Variants in SLC22A25 observed in about 807,000 individuals in gnomAD.
SLC22A25 encodes MGI:2442751, MGI:2385316, MGI:3042283, MGI:3645714, MGI:3605624, MGI:2442750.
A neutral mutation model predicts 45.9 loss-of-function variants in SLC22A25; 44 were observed. The observed-to-expected ratio is 0.96, with a 90% CI of 0.75 to 1.23. SLC22A25 has a LOEUF of 1.23. Ranked by LOEUF, SLC22A25 falls within the 50% of genes most tolerant of loss-of-function variation. The probability of loss-of-function intolerance (pLI) is 0.00; values close to 1 mark genes in which losing one functional copy is unlikely to be tolerated. For missense variants in SLC22A25, 800 were observed against 666.4 expected (o/e 1.20, Z -2.21); for synonymous variants, 283 against 238.6 (o/e 1.19, Z -1.72).
chr11:63,205,530 A>T (rs1228136161), intron 7 of SLC22A25, among the ~76,000 whole-genome samples: 1 of 152,222 alleles, frequency 6.6e-6, no homozygotes, highest in African/African-American at 2.4e-5. Context: ...AAACAACCCT[A>T]TGCAAATGAA....
At chr11:63,177,201 G>T (rs1446442345) in intron 9 of SLC22A25, among the ~76,000 whole-genome samples, 1 of 151,686 alleles carries the variant, frequency 6.6e-6, no homozygotes, top group Non-Finnish European at 1.5e-5. Flanking sequence ...AAAATGTCTA[G>T]ATGTGAATTT....
Position 63,217,372 on chromosome 11 carries a change from G to C in SLC22A25, c.772C>G (p.Gln258Glu), listed in dbSNP as rs2089739693. 6.2e-7 allele frequency: 1 copy of C among 1,613,954 alleles called. No homozygotes were observed. The highest frequency in any genetic ancestry group is 1.1e-5 in the South Asian group (1 of 91,070). ...GACATCACCAACTGGAGGATGCACT[G>C]GTCTCGAATGACAAAAGCCAGGCTT... ...LGSLAFVIRD[Q>E]CILQLVMSAP... The change falls in exon 7 of 12, where the codon CAG (glutamine) becomes GAG (glutamate). Residue 258 changes from glutamine (Q) to glutamate (E), a missense_variant. By Grantham distance (29) the Gln-to-Glu change is conservative (BLOSUM62 2). Transcript: ENST00000306494.
chr11:63,220,132 T>C (rs1158992157), intron 5 of SLC22A25: 2 of 659,196 alleles, frequency 3.0e-6, no homozygotes, highest in African/African-American at 3.8e-5. Flanking sequence ...AAGGTAGAGG[T>C]TGTAATACCT....
At chr11:63,166,343 A>G in intron 9 of SLC22A25, 85 bp from the exon 10 acceptor site, 4 of 1,522,510 alleles carry the variant, frequency 2.6e-6, no homozygotes, top group Non-Finnish European at 2.6e-6. Flanking sequence ...CCAGGTAGCC[A>G]AGGACTCTTT....
At chr11:63,213,971 A>T (rs1189065514) in intron 7 of SLC22A25, among the ~76,000 whole-genome samples, 1 of 152,200 alleles carries the variant, frequency 6.6e-6, no homozygotes, top group Non-Finnish European at 1.5e-5. Flanking sequence ...CCTCAGAAGG[A>T]GGAGTACATG....
At chr11:63,221,689 G>A (rs2089856563) in intron 5 of SLC22A25, among the ~76,000 whole-genome samples, 1 of 151,952 alleles carries the variant, frequency 6.6e-6, no homozygotes, top group Admixed American at 6.6e-5. Context: ...GTGTATTACT[G>A]AAGAAATCAT....
At chr11:63,166,762 G>T (rs2087698355) in intron 9 of SLC22A25, 1 of 985,896 alleles carries the variant, frequency 1.0e-6, no homozygotes, top group South Asian at 4.7e-5. Flanking sequence ...TCTGTAGATG[G>T]TCTTGTGTAG....
chr11:63,166,198 A>G lies in SLC22A25; in HGVS notation c.1131T>C (p.Asn377=), dbSNP rs2087676551. 1 of 1,613,840 alleles carries G rather than the reference A, an allele frequency of 6.2e-7. No individual in the cohort carries two copies. The highest frequency in any genetic ancestry group is 1.7e-5 in the Admixed American group (1 of 59,980). Residue 377 remains asparagine, a synonymous_variant, in exon 10 of 12, where the codon AAT becomes AAC. Coordinates refer to ENST00000306494, the MANE Select transcript of SLC22A25 (RefSeq NM_199352.6). ...CAAAGAGAGTCTGCAACAGGAAAACATTGTTTCCCAGATGCTGGAGGTGCA... is the reference window on the plus strand; with the variant it reads ...CAAAGAGAGTCTGCAACAGGAAAACGTTGTTTCCCAGATGCTGGAGGTGCA... ...LTLHLQHLGN[N]VFLLQTLFGA...
intron 7 of SLC22A25, among the ~76,000 whole-genome samples, chr11:63,192,075 G>T (rs1271182502): frequency 6.6e-6 from 1 of 152,178 alleles, no homozygotes; most frequent in East Asian, 1.9e-4. Context: ...AATGTTAAAT[G>T]CAGCTAGAAA....
chr11:63,167,282 T>C (rs111640820), intron 9 of SLC22A25: 4,995 of 141,772 alleles, frequency 0.035, 271 homozygotes, highest in African/African-American at 0.12. Context: ...TTTTTTTTTT[T>C]CCCCCAGTGG....
At chr11:63,192,533 C>T (rs969695438) in intron 7 of SLC22A25, among the ~76,000 whole-genome samples, 5 of 152,120 alleles carry the variant, frequency 3.3e-5, no homozygotes, top group African/African-American at 1.2e-4. Context: ...AGTTAAAAGA[C>T]ACAGAGTGGA....
intron 7 of SLC22A25, among the ~76,000 whole-genome samples, chr11:63,197,056 A>G (rs2089064107): frequency 6.6e-6 from 1 of 152,176 alleles, no homozygotes; most frequent in South Asian, 2.1e-4. Context: ...AAGATATGTG[A>G]AGGACCTTTT....
At chr11:63,231,605 C>A (rs2090070695) in intron 3 of SLC22A25, among the ~76,000 whole-genome samples, 1 of 152,192 alleles carries the variant, frequency 6.6e-6, no homozygotes, top group African/African-American at 2.4e-5. Context: ...GTTGCCTGTT[C>A]ACTCTGATGG....
At chr11:63,204,552 A>C (rs191747686) in intron 7 of SLC22A25, among the ~76,000 whole-genome samples, 4 of 152,370 alleles carry the variant, frequency 2.6e-5, no homozygotes, top group Admixed American at 2.0e-4. Flanking sequence ...AAAAGATCAA[A>C]AAAGTCAAAG....
Position 63,223,440 on chromosome 11 carries a change from C to A in SLC22A25, c.506+5021G>T, listed in dbSNP as rs558649547. Reference sequence around the variant, plus strand: ...TTGCTAATAGTAGCCTCTAATGACCCTTTGAATTTCTGTGGTATCAGTTGT... The same window carrying A: ...TTGCTAATAGTAGCCTCTAATGACCATTTGAATTTCTGTGGTATCAGTTGT... On this transcript the variant is annotated intron_variant, in intron 5 of 11. Transcript: ENST00000306494. Among the ~76,000 whole-genome samples the A allele has an allele frequency of 2.0e-5, 3 of 152,058 alleles. No individual in the cohort carries two copies. In the East Asian group the frequency reaches 5.8e-4, roughly 29 times the overall value.
rs964755608 is a variant in SLC22A25, at chr11:63,161,949, G to T, written c.*1875C>A. On this transcript the variant is annotated 3_prime_UTR_variant, in exon 12 of 12. Transcript: ENST00000306494. Reference sequence around the variant, plus strand: ...CAGCATTTGTTCTTGCCTGTCTTTTGGATATCAGCCATTTTAACTGAGGTA... The same window carrying T: ...CAGCATTTGTTCTTGCCTGTCTTTTTGATATCAGCCATTTTAACTGAGGTA... Among the ~76,000 whole-genome samples, 1 of 152,006 alleles carries T rather than the reference G, an allele frequency of 6.6e-6. No homozygotes were observed. Among genetic ancestry groups the T allele is most frequent in the Non-Finnish European group, 1.5e-5 (1 of 67,984 alleles).
At chr11:63,239,726 G>A (rs1221115093) in intron 1 of SLC22A25, among the ~76,000 whole-genome samples, 2 of 152,108 alleles carry the variant, frequency 1.3e-5, no homozygotes, top group African/African-American at 4.8e-5. Context: ...TTTCAGAAAG[G>A]GCAGAGTCAG....
intron 9 of SLC22A25, among the ~76,000 whole-genome samples, chr11:63,170,448 G>T (rs981082250): frequency 2.0e-5 from 3 of 150,912 alleles, no homozygotes; most frequent in Admixed American, 6.6e-5. Flanking sequence ...AAAGAGAGAA[G>T]AATAAAATAG....
rs570923402 is a variant in SLC22A25 at position 63,163,571 on chromosome 11, A to G, written c.*253T>C. 1.3e-5 allele frequency among the ~76,000 whole-genome samples: 2 copies of G among 152,192 alleles called. No homozygotes were observed. The highest frequency in any genetic ancestry group is 3.9e-4 in the East Asian group (2 of 5,156). ...ATGTTTGTAGAATACCTTCAAGAGT[A>G]TGCATGTCATACCAGGGCAGGAAGG... On this transcript the variant is annotated 3_prime_UTR_variant, in exon 12 of 12. Transcript: ENST00000306494.
Sources: allele counts gnomAD v4.1 joint callset (sites outside exome capture counted in the v4.1 genomes callset), GRCh38; gene constraint gnomAD v4.1.1; transcripts MANE v1.5; gene names NCBI Gene and HGNC (gene_info 2026-07-23, HGNC 2026-07-21).